IQANK1: variants seen among roughly 807,000 people sequenced by gnomAD.
The protein encoded by IQANK1 is IQ motif and ankyrin repeat domain-containing protein 1.
A neutral mutation model predicts 22.6 loss-of-function variants in IQANK1; 30 were observed. The ratio of observed to expected loss-of-function variants is 1.33; its 90% confidence interval spans 0.99 to 1.80. IQANK1 has a LOEUF of 1.80. IQANK1 is among the 40% of genes most tolerant of loss of function. The pLI is 0.00. For synonymous variants in IQANK1, 122 were observed against 99.6 expected (o/e 1.23, Z -1.34); for missense variants, 275 against 235.2 (o/e 1.17, Z -1.11).
At chr8:143,789,667 G>A in intron 10 of IQANK1, 94 bp from the exon 11 acceptor site, 1 of 1,211,006 alleles carries the variant, frequency 8.3e-7, no homozygotes, top group Non-Finnish European at 1.0e-6. Flanking sequence ...ACAGTGGCCT[G>A]CTTGGGGTGG....
intron 3 of IQANK1, among the ~76,000 whole-genome samples, chr8:143,755,711 A>G (rs749100378): frequency 7.8e-4 from 118 of 152,214 alleles, no homozygotes; most frequent in Non-Finnish European, 6.2e-4. Context: ...ACATCATTGC[A>G]GTCAAGAACA....
rs886844787 is a variant in IQANK1 at position 143,790,457 on chromosome 8, C to T, written c.1532C>T (p.Thr511Met). 3.9e-5 allele frequency: 18 copies of T among 460,928 alleles called. No homozygotes were observed. The highest frequency in any genetic ancestry group is 8.8e-5 in the Admixed American group (2 of 22,762). The allele number at this position is 460,928 out of a possible 1,614,324, so 28.6% of individuals were successfully genotyped here. Residue 511 changes from threonine to methionine, a missense_variant, in exon 14 of 14, where the codon ACG becomes ATG. Thr to Met is a moderately conservative substitution (Grantham distance 81, BLOSUM62 -1). Coordinates refer to ENST00000527139, the MANE Select transcript of IQANK1 (RefSeq NM_001381874.1). ...AGGTACCTGTCGCTGCTGCGGCCCA[C>T]GGACGGGCCTGAGTATAGCCCCACG... The part of the protein sequence containing the change: ...QERYLSLLRP[T>M]DGPEYSPTQF...
At chr8:143,736,831 C>T (rs1025763043) in intron 2 of IQANK1, among the ~76,000 whole-genome samples, 2 of 148,308 alleles carry the variant, frequency 1.3e-5, no homozygotes, top group South Asian at 2.3e-4. Context: ...CACTCCCTTG[C>T]TCCAGCTCCC....
chr8:143,789,358 T>C (rs1362038763), intron 9 of IQANK1, 78 bp from the exon 10 acceptor site: 4 of 763,466 alleles, frequency 5.2e-6, no homozygotes, highest in Non-Finnish European at 7.2e-6. Flanking sequence ...GGAGGTGTCC[T>C]CAGGCCCCTG....
chr8:143,784,235 G>A (rs1305250026), intron 7 of IQANK1, among the ~76,000 whole-genome samples: 1 of 152,030 alleles, frequency 6.6e-6, no homozygotes, highest in Non-Finnish European at 1.5e-5. Context: ...GGAGGGGCCT[G>A]GGGGGAGGTG....
At chr8:143,776,755 T>G (rs1819693636) in intron 7 of IQANK1, among the ~76,000 whole-genome samples, 1 of 152,132 alleles carries the variant, frequency 6.6e-6, no homozygotes, top group East Asian at 1.9e-4. Flanking sequence ...GGTAGTTAGT[T>G]GTAGCTAATA....
chr8:143,738,506 G>A lies in IQANK1; in HGVS notation c.86-1353G>A, dbSNP rs542146505. ...GGAGTTTATAGGGACTCCACGGCGCGGTGGCTCGCCTGGGCTGAGAGGCTG... is the reference window on the plus strand; with the variant it reads ...GGAGTTTATAGGGACTCCACGGCGCAGTGGCTCGCCTGGGCTGAGAGGCTG... On this transcript the variant is annotated intron_variant, in intron 2 of 13. Coordinates refer to ENST00000527139, the MANE Select transcript of IQANK1 (RefSeq NM_001381874.1). Among the ~76,000 whole-genome samples, 417 of 152,330 alleles carry A rather than the reference G, an allele frequency of 2.7e-3. 1 individual carries two copies. The highest frequency in any genetic ancestry group is 8.5e-3 in the African/African-American group (355 of 41,590).
chr8:143,766,272 C>T (rs2129891332), intron 3 of IQANK1, among the ~76,000 whole-genome samples: 1 of 152,198 alleles, frequency 6.6e-6, no homozygotes. Context: ...GTAGTATTTC[C>T]CAATATATTC....
chr8:143,774,189 A>C lies in IQANK1; in HGVS notation c.789+1707A>C, dbSNP rs72693343. Among the ~76,000 whole-genome samples, 35,849 of 151,520 alleles carry C rather than the reference A, an allele frequency of 0.24. 4,618 individuals carry two copies. The highest frequency in any genetic ancestry group is 0.51 in the East Asian group (2,636 of 5,156). ...AAAAAGCACAATCCAAAAAAAAAAAAAAACCACATTGATAAACAGAACTTC... is the reference window on the plus strand; with the variant it reads ...AAAAAGCACAATCCAAAAAAAAAAACAAACCACATTGATAAACAGAACTTC... On this transcript the variant is annotated intron_variant, in intron 7 of 13. Transcript: ENST00000527139. This position sits in a 1 kb window ranked among gnomAD's most constrained non-coding sequence, Gnocchi z 4.2.
rs961285574 is a variant in IQANK1, at chr8:143,739,583, C to G, written c.86-276C>G. The G allele has an allele frequency of 2.7e-5, 10 of 373,872 alleles. No individual in the cohort carries two copies. The Admixed American group carries it at 3.8e-4, about 14-fold the overall frequency. 23.2% of individuals were successfully genotyped at this position (373,872 alleles called of 1,614,324 possible). On this transcript the variant is annotated intron_variant, in intron 2 of 13. Transcript: ENST00000527139. ...CAGGGTCCTTCTAGCAGAGGCACCACCTGCCCATCCTTGGGCCCACAAGAG... is the reference window on the plus strand; with the variant it reads ...CAGGGTCCTTCTAGCAGAGGCACCAGCTGCCCATCCTTGGGCCCACAAGAG...
chr8:143,786,053 G>A (rs991365781), intron 7 of IQANK1, among the ~76,000 whole-genome samples: 1 of 152,000 alleles, frequency 6.6e-6, no homozygotes, highest in Non-Finnish European at 1.5e-5. Context: ...TGTAGAGACA[G>A]GATTTTGCCA....
intron 7 of IQANK1, among the ~76,000 whole-genome samples, chr8:143,780,334 T>C (rs1819774316): frequency 6.6e-6 from 1 of 152,208 alleles, no homozygotes; most frequent in African/African-American, 2.4e-5. Flanking sequence ...TCATCTTTTT[T>C]TAACTTTTCT....
At chr8:143,740,882 T>G (rs1466133764) in intron 3 of IQANK1, among the ~76,000 whole-genome samples, 5 of 152,206 alleles carry the variant, frequency 3.3e-5, no homozygotes, top group African/African-American at 1.2e-4. Context: ...CGGGAGCACC[T>G]CCGCGGAAGG....
At chr8:143,784,595 T>C (rs192302649) in intron 7 of IQANK1, among the ~76,000 whole-genome samples, 1 of 152,330 alleles carries the variant, frequency 6.6e-6, no homozygotes, top group African/African-American at 2.4e-5. Context: ...CAAAATGAGT[T>C]TATTTTTTAC....
chr8:143,748,672 A>G (rs1819089686), intron 3 of IQANK1, among the ~76,000 whole-genome samples: 1 of 97,890 alleles, frequency 1.0e-5, no homozygotes, highest in Admixed American at 1.1e-4. Context: ...ATATAAATAT[A>G]TAAATATATA....
At chr8:143,765,632 T>C (rs1320008456) in intron 3 of IQANK1, among the ~76,000 whole-genome samples, 1 of 152,244 alleles carries the variant, frequency 6.6e-6, no homozygotes, top group East Asian at 1.9e-4. Context: ...GTTTATGTGT[T>C]GCAAATTTCT....
At chr8:143,780,538 A>G (rs1384572875) in intron 7 of IQANK1, among the ~76,000 whole-genome samples, 2 of 152,084 alleles carry the variant, frequency 1.3e-5, no homozygotes, top group African/African-American at 4.8e-5. Context: ...CTAAGTTCTC[A>G]TCCTTTAGCT....
intron 7 of IQANK1, among the ~76,000 whole-genome samples, chr8:143,786,267 G>A (rs1264456100): frequency 9.9e-5 from 15 of 152,136 alleles, no homozygotes; most frequent in Non-Finnish European, 2.9e-5. Flanking sequence ...GGGTACCAGC[G>A]GTCTGGAGTC....
rs1333451746 is a variant in IQANK1 at position 143,749,533 on chromosome 8, AAT to A, written c.175+9590_175+9591del. 6.8e-4 allele frequency among the ~76,000 whole-genome samples: 95 copies of A among 139,910 alleles called. 1 individual carries two copies. Among genetic ancestry groups the A allele is most frequent in the African/African-American group, 2.4e-3 (91 of 37,870 alleles). 91.8% of individuals were successfully genotyped at this position (139,910 alleles called of 152,430 possible). Reference sequence around the variant, plus strand: ...TATATAAAAATATATATCACATAAAAATATATGATATATATGATATATATCAT... The same window carrying A: ...TATATAAAAATATATATCACATAAAAATATGATATATATGATATATATCAT... On this transcript the variant is annotated intron_variant, in intron 3 of 13. Transcript: ENST00000527139.
Sources: allele counts gnomAD v4.1 joint callset (sites outside exome capture counted in the v4.1 genomes callset), GRCh38; gene constraint gnomAD v4.1.1; non-coding constraint Gnocchi (gnomAD v3.1); transcripts MANE v1.5; gene names NCBI Gene and HGNC (gene_info 2026-07-23, HGNC 2026-07-21).